The following ASB3 variants were observed in gnomAD, a reference collection of about 807,000 sequenced individuals.
ASB3 encodes ankyrin repeat and SOCS box protein 3.
Under a neutral mutation model 54.5 loss-of-function variants are expected in ASB3, and 41 were observed. The observed-to-expected ratio is 0.75, with a 90% CI of 0.59 to 0.98. The LOEUF (loss-of-function observed/expected upper bound fraction) is 0.98, where lower values mean the gene tolerates loss of function less well. Ranked by LOEUF, ASB3 falls within the 50% of genes least tolerant of loss-of-function variation. ASB3 has a pLI of 0.00. For synonymous variants in ASB3, 266 were observed against 221.2 expected (o/e 1.20, Z -1.80); for missense variants, 733 against 620.0 (o/e 1.18, Z -1.94).
chr2:53,740,143 T>A (rs1201195789), intron 3 of ASB3, among the ~76,000 whole-genome samples: 1 of 152,248 alleles, frequency 6.6e-6, no homozygotes, highest in Non-Finnish European at 1.5e-5. Flanking sequence ...ATTTGAATTA[T>A]ATATGAATTT....
chr2:53,737,694 T>C (rs1208611157), intron 3 of ASB3, among the ~76,000 whole-genome samples: 4 of 144,698 alleles, frequency 2.8e-5, no homozygotes, highest in Non-Finnish European at 4.5e-5. Context: ...CTTTTGTGTA[T>C]GTGAAATTGT....
At chr2:53,781,596 A>G (rs1674654284) in intron 1 of ASB3, among the ~76,000 whole-genome samples, 2 of 152,078 alleles carry the variant, frequency 1.3e-5, no homozygotes, top group African/African-American at 4.8e-5. Context: ...CCCAGGTTCA[A>G]GTGATTCTCC....
intron 3 of ASB3, among the ~76,000 whole-genome samples, chr2:53,738,916 G>C (rs1160466184): frequency 6.6e-6 from 1 of 152,134 alleles, no homozygotes; most frequent in African/African-American, 2.4e-5. Context: ...ACAGAGATAT[G>C]GGAGAAAGAC....
Position 53,774,511 on chromosome 2 carries a change from C to T in ASB3, c.-13-8926G>A, listed in dbSNP as rs766644889. ...GGAACGTTTAGAAGGGAAACAGAAC[C>T]TCAATTGCATATAATTTAGTCTTCA... On this transcript the variant is annotated intron_variant, in intron 1 of 9. Transcript: ENST00000263634. 24 of 1,544,414 alleles carry T rather than the reference C, an allele frequency of 1.6e-5. No homozygotes were observed. Among genetic ancestry groups the T allele is most frequent in the South Asian group, 1.3e-4 (10 of 77,624 alleles).
At chr2:53,769,937 C>T (rs2104133474) in intron 1 of ASB3, among the ~76,000 whole-genome samples, 1 of 152,326 alleles carries the variant, frequency 6.6e-6, no homozygotes, top group Admixed American at 6.5e-5. Context: ...CATATCTTAG[C>T]TCTATTTATT....
intron 9 of ASB3, among the ~76,000 whole-genome samples, chr2:53,676,365 A>T (rs973835444): frequency 1.3e-5 from 2 of 152,058 alleles, no homozygotes; most frequent in African/African-American, 4.8e-5. Context: ...AGCAGCCACC[A>T]CTCCTTCAAT....
At chr2:53,735,705 T>C (rs1043843570) in intron 3 of ASB3, among the ~76,000 whole-genome samples, 1 of 150,180 alleles carries the variant, frequency 6.7e-6, no homozygotes, top group African/African-American at 2.4e-5. Context: ...AAAAAAATCA[T>C]GTAGAATAAA....
chr2:53,777,597 A>G (rs538099591), intron 1 of ASB3, among the ~76,000 whole-genome samples: 1 of 152,200 alleles, frequency 6.6e-6, no homozygotes, highest in Admixed American at 6.5e-5. Context: ...AACTTATTGT[A>G]CTAAAACCAG....
At chr2:53,703,871 T>C (rs1045990211) in intron 7 of ASB3, among the ~76,000 whole-genome samples, 6 of 152,188 alleles carry the variant, frequency 3.9e-5, no homozygotes, top group South Asian at 2.1e-4. Flanking sequence ...TCATAACACA[T>C]TGTTGCTATA....
chr2:53,739,457 G>A (rs780763065), intron 3 of ASB3, among the ~76,000 whole-genome samples: 5 of 152,084 alleles, frequency 3.3e-5, no homozygotes, highest in African/African-American at 4.8e-5. Context: ...GTTTAATATA[G>A]CATTCATTAA....
At chr2:53,749,510 G>A (rs1196920336) in intron 3 of ASB3, among the ~76,000 whole-genome samples, 1 of 152,104 alleles carries the variant, frequency 6.6e-6, no homozygotes, top group African/African-American at 2.4e-5. Flanking sequence ...ATGTTTATAG[G>A]AGATTTAGTC....
chr2:53,676,799 C>G (rs1668104158), intron 9 of ASB3, among the ~76,000 whole-genome samples: 2 of 152,172 alleles, frequency 1.3e-5, no homozygotes, highest in East Asian at 1.9e-4. Context: ...GAGACGGAGT[C>G]TCACTCTGTC....
At chr2:53,741,550 G>C (rs930411503) in intron 3 of ASB3, among the ~76,000 whole-genome samples, 2 of 152,170 alleles carry the variant, frequency 1.3e-5, no homozygotes, top group Non-Finnish European at 2.9e-5. Flanking sequence ...CTGACATTTT[G>C]AGTGGCACTG....
chr2:53,721,515 G>T (rs1309088602), intron 5 of ASB3, among the ~76,000 whole-genome samples: 2 of 152,034 alleles, frequency 1.3e-5, no homozygotes, highest in African/African-American at 2.4e-5. Context: ...AGGTTGCGGT[G>T]AGCCTAGATG....
At chr2:53,705,632 T>TC (rs1669728297) in intron 7 of ASB3, among the ~76,000 whole-genome samples, 1 of 152,178 alleles carries the variant, frequency 6.6e-6, no homozygotes, top group African/African-American at 2.4e-5. Context: ...TAATAGGAAG[T>TC]TTTTGGCAAT....
chr2:53,700,368 C>A lies in ASB3; in HGVS notation c.1141G>T (p.Val381Leu). The A allele has an allele frequency of 1.2e-6, 2 of 1,614,072 alleles. No individual in the cohort carries two copies. The highest frequency in any genetic ancestry group is 1.7e-6 in the Non-Finnish European group (2 of 1,179,996). ...GCTTGTGCTTTAATTGCATGATTTA[C>A]AAATTCATATATATGGTTCCATGGT... ...LGPWNHIYEF[V>L]NHAIKAQAKY... Residue 381 changes from valine (V) to leucine (L), a missense_variant, in exon 8 of 10, where the codon GTA becomes TTA. Physicochemically the swap from Val to Leu is conservative, Grantham distance 32 (BLOSUM62 1). Transcript: ENST00000263634.
At chr2:53,694,451 G>A (rs181459104) in intron 8 of ASB3, 32 of 153,628 alleles carry the variant, frequency 2.1e-4, no homozygotes, top group Non-Finnish European at 3.8e-4. Context: ...AAGTGTACAA[G>A]TATGGCTTGT....
chr2:53,700,619 G>A (rs1396680761), intron 7 of ASB3, 91 bp from the exon 8 acceptor site: 1 of 1,474,948 alleles, frequency 6.8e-7, no homozygotes, highest in Non-Finnish European at 9.0e-7. Context: ...TTACAGCTGG[G>A]GAATAAGTAT....
intron 3 of ASB3, among the ~76,000 whole-genome samples, chr2:53,736,398 T>A (rs1671629220): frequency 6.6e-6 from 1 of 152,056 alleles, no homozygotes; most frequent in African/African-American, 2.4e-5. Flanking sequence ...TGACATAAAT[T>A]AATAACCTTA....
Sources: gnomAD v4.1 joint callset for allele counts (sites outside exome capture counted in the v4.1 genomes callset) on GRCh38, gnomAD v4.1.1 for gene constraint, MANE v1.5 for transcripts, NCBI Gene and HGNC (gene_info 2026-07-23, HGNC 2026-07-21) for gene names.